Variants in ARMH3 observed in about 807,000 individuals in gnomAD.
ARMH3 encodes armadillo like helical domain containing 3, also known as armadillo-like helical domain-containing protein 3.
Under a neutral mutation model 99.1 loss-of-function variants are expected in ARMH3, and 60 were observed. The observed-to-expected ratio is 0.61, with a 90% CI of 0.49 to 0.75. The LOEUF is 0.75. ARMH3 is among the 30% of genes least tolerant of loss of function. ARMH3 has a pLI of 0.00. For synonymous variants in ARMH3, 285 were observed against 292.8 expected, an observed-to-expected ratio of 0.97 and a Z score of 0.27; for missense variants, 679 against 843.1, an observed-to-expected ratio of 0.81 and a Z score of 2.41.
At chr10:101,992,098 C>T (rs1214601468) in intron 17 of ARMH3, 60 bp from the exon 18 acceptor site, 1 of 1,327,508 alleles carries the variant, frequency 7.5e-7, no homozygotes, top group Admixed American at 1.7e-5. Flanking sequence ...CATCCAATGG[C>T]CCATCATCAT....
chr10:101,945,009 T>G (rs1844455766), intron 22 of ARMH3, among the ~76,000 whole-genome samples: 1 of 152,122 alleles, frequency 6.6e-6, no homozygotes, highest in Non-Finnish European at 1.5e-5. Flanking sequence ...CATGGCAGAG[T>G]AAGCCCACTA....
At chr10:102,003,677 A>G (rs2066419622) in intron 14 of ARMH3, among the ~76,000 whole-genome samples, 1 of 152,250 alleles carries the variant, frequency 6.6e-6, no homozygotes, top group African/African-American at 2.4e-5. Context: ...ATATGTATTC[A>G]TAACCATAAC....
At chr10:102,054,097 G>T (rs1197773777) in intron 1 of ARMH3, among the ~76,000 whole-genome samples, 2 of 152,074 alleles carry the variant, frequency 1.3e-5, no homozygotes, top group East Asian at 3.9e-4. Flanking sequence ...TTATCCAAAT[G>T]TTGAACAAGT....
intron 22 of ARMH3, among the ~76,000 whole-genome samples, chr10:101,953,385 C>G (rs935207571): frequency 1.1e-4 from 16 of 152,128 alleles, no homozygotes; most frequent in Non-Finnish European, 4.4e-5. Flanking sequence ...TTTGGCCACC[C>G]AAAGTGCTGG....
chr10:101,930,764 A>C (rs1441958808), intron 23 of ARMH3, among the ~76,000 whole-genome samples: 1 of 152,150 alleles, frequency 6.6e-6, no homozygotes, highest in Non-Finnish European at 1.5e-5. Context: ...AAAGGACTGA[A>C]CAAAGTTGGG....
intron 22 of ARMH3, among the ~76,000 whole-genome samples, chr10:101,947,796 AAAATAAAT>A (rs56657656): frequency 0.059 from 8,590 of 145,304 alleles, 267 homozygotes; most frequent in Middle Eastern, 0.11. Flanking sequence ...GCGAAACTCA[AAAATAAAT>A]AAATAAATAA....
chr10:101,890,872 ATTTT>A lies in ARMH3; in HGVS notation c.1782-1386_1782-1383del, dbSNP rs1313468909. Among the ~76,000 whole-genome samples, 5 of 130,904 alleles carry A rather than the reference ATTTT, an allele frequency of 3.8e-5. No individual in the cohort carries two copies. In the East Asian group the frequency reaches 6.6e-4, roughly 17 times the overall value. 85.9% of individuals were successfully genotyped at this position (130,904 alleles called of 152,430 possible). A position where few individuals can be genotyped will look rare whatever the true frequency, so the allele number is the denominator to read the frequency against. ...ACATTCTACAGGATACCTGACTGGT[ATTTT>A]TTTTTTTTTTTTTTTTGAGACAGGG... On this transcript the variant is annotated intron_variant, in intron 23 of 25. Coordinates refer to ENST00000370033, the MANE Select transcript of ARMH3 (RefSeq NM_024541.3).
chr10:102,038,647 C>G (rs890757111), intron 2 of ARMH3, among the ~76,000 whole-genome samples: 9 of 152,154 alleles, frequency 5.9e-5, no homozygotes, highest in Non-Finnish European at 1.2e-4. Flanking sequence ...TACCAGTGCC[C>G]TCACAGAATT....
chr10:102,018,973 C>G (rs2066814461), intron 8 of ARMH3, among the ~76,000 whole-genome samples: 1 of 152,014 alleles, frequency 6.6e-6, no homozygotes, highest in Non-Finnish European at 1.5e-5. Context: ...AAAAGTATAA[C>G]ACATACAATC....
intron 10 of ARMH3, 92 bp downstream of exon 10, chr10:102,012,741 T>A (rs2066658772): frequency 8.1e-7 from 1 of 1,236,082 alleles, no homozygotes; most frequent in African/African-American, 1.5e-5. Flanking sequence ...TTAGACTAGG[T>A]AAGGGAATTT....
chr10:101,981,064 T>C (rs1355025525), intron 19 of ARMH3, among the ~76,000 whole-genome samples: 1 of 145,348 alleles, frequency 6.9e-6, no homozygotes, highest in Non-Finnish European at 1.5e-5. Context: ...TGTTGGGGGG[T>C]TGGGGGGTGA....
At chr10:101,852,328 A>C (rs955166933) in intron 24 of ARMH3, among the ~76,000 whole-genome samples, 1 of 152,240 alleles carries the variant, frequency 6.6e-6, no homozygotes, top group African/African-American at 2.4e-5. Context: ...GCATGGTAGA[A>C]GGTCTAAGGT....
At chr10:102,007,826 C>T (rs943302721) in intron 13 of ARMH3, among the ~76,000 whole-genome samples, 6 of 137,210 alleles carry the variant, frequency 4.4e-5, no homozygotes, top group Non-Finnish European at 9.3e-5. Flanking sequence ...GAGCGAGACA[C>T]CATCTCCAAA....
chr10:101,973,953 T>C (rs965645968), intron 20 of ARMH3, among the ~76,000 whole-genome samples: 1 of 152,162 alleles, frequency 6.6e-6, no homozygotes, highest in Non-Finnish European at 1.5e-5. Flanking sequence ...CATACAACTA[T>C]CCATAGGCAG....
intron 1 of ARMH3, among the ~76,000 whole-genome samples, chr10:102,054,978 G>A (rs2067802569): frequency 1.4e-5 from 2 of 147,698 alleles, no homozygotes; most frequent in Admixed American, 1.4e-4. Context: ...CCTGGGCAAC[G>A]AGAGCGAAAC....
intron 19 of ARMH3, among the ~76,000 whole-genome samples, chr10:101,977,147 T>C (rs1474401805): frequency 6.6e-6 from 1 of 152,218 alleles, no homozygotes; most frequent in Admixed American, 6.5e-5. Flanking sequence ...ATAGAACTTT[T>C]CTATTATCAC....
intron 20 of ARMH3, among the ~76,000 whole-genome samples, chr10:101,969,125 C>T (rs1402833610): frequency 6.6e-6 from 1 of 152,114 alleles, no homozygotes. Flanking sequence ...TTCCCATCTA[C>T]TCTAGTTTTT....
At chr10:101,940,375 A>C (rs1047418142) in intron 22 of ARMH3, among the ~76,000 whole-genome samples, 1 of 152,176 alleles carries the variant, frequency 6.6e-6, no homozygotes, top group Non-Finnish European at 1.5e-5. Flanking sequence ...GTATATGCAT[A>C]AACTCCTTAA....
intron 14 of ARMH3, among the ~76,000 whole-genome samples, chr10:102,005,842 G>A (rs1020419272): frequency 6.6e-6 from 1 of 152,138 alleles, no homozygotes; most frequent in African/African-American, 2.4e-5. Flanking sequence ...TTGTCTTGAG[G>A]GAGATAAATC....
Sources: allele counts gnomAD v4.1 joint callset (sites outside exome capture counted in the v4.1 genomes callset), GRCh38; gene constraint gnomAD v4.1.1; transcripts MANE v1.5; gene names NCBI Gene and HGNC (gene_info 2026-07-23, HGNC 2026-07-21).